DPF3: variants seen among roughly 807,000 people sequenced by gnomAD.
The protein encoded by DPF3 is zinc finger protein DPF3.
Under a neutral mutation model 56.8 loss-of-function variants are expected in DPF3, and 18 were observed. The ratio of observed to expected loss-of-function variants is 0.32; its 90% confidence interval spans 0.22 to 0.47. The LOEUF (loss-of-function observed/expected upper bound fraction) is 0.47, where lower values mean the gene tolerates loss of function less well. DPF3 is among the 20% of genes least tolerant of loss of function. The pLI, the probability that DPF3 is intolerant of heterozygous loss-of-function variation, is 1.00. For missense variants in DPF3, 403 were observed against 488.8 expected, an observed-to-expected ratio of 0.82 and a Z score of 1.65; for synonymous variants, 188 against 180.2, an observed-to-expected ratio of 1.04 and a Z score of -0.35.
chr14:72,669,810 C>A (rs1886590761), intron 8 of DPF3: 1 of 797,228 alleles, frequency 1.3e-6, no homozygotes, highest in South Asian at 5.7e-5. Context: ...GACACTCCAG[C>A]AGCCACTCTT....
intron 1 of DPF3, among the ~76,000 whole-genome samples, chr14:72,835,325 C>T (rs993410813): frequency 6.6e-6 from 1 of 152,196 alleles, no homozygotes; most frequent in Non-Finnish European, 1.5e-5. Flanking sequence ...CTCGGCCTCC[C>T]AAAGTGCTGG....
chr14:72,695,949 T>C (rs1302307516), intron 6 of DPF3, among the ~76,000 whole-genome samples: 1 of 152,156 alleles, frequency 6.6e-6, no homozygotes, highest in African/African-American at 2.4e-5. Context: ...AATAAAATAG[T>C]GCTATGCATC....
At chr14:72,775,116 G>A (rs760175195) in intron 1 of DPF3, among the ~76,000 whole-genome samples, 5 of 151,946 alleles carry the variant, frequency 3.3e-5, no homozygotes, top group Non-Finnish European at 7.4e-5. Flanking sequence ...GGTGTCCAAC[G>A]TGAGAGCAGC....
chr14:72,754,328 A>AC (rs1348083691), intron 2 of DPF3, among the ~76,000 whole-genome samples: 1 of 152,062 alleles, frequency 6.6e-6, no homozygotes, highest in African/African-American at 2.4e-5. Context: ...AGTGTCTGAT[A>AC]CCCCCCATAA....
At chr14:72,861,026 T>TAA (rs1885377918) in intron 1 of DPF3, among the ~76,000 whole-genome samples, 1 of 147,864 alleles carries the variant, frequency 6.8e-6, no homozygotes, top group Middle Eastern at 3.2e-3. Context: ...GTTCTCACTA[T>TAA]ACACACACAC....
intron 8 of DPF3, chr14:72,671,483 T>A: frequency 8.9e-7 from 1 of 1,129,306 alleles, no homozygotes; most frequent in Non-Finnish European, 1.3e-6. Flanking sequence ...GTGCATCACC[T>A]GGTGACGGGG....
rs924033792 is a variant in DPF3, at chr14:72,742,248, C to A, written c.302-10314G>T. Among the ~76,000 whole-genome samples, 3 of 152,184 alleles carry A rather than the reference C, an allele frequency of 2.0e-5. 1 individual carries two copies. The South Asian group carries it at 6.2e-4, about 32-fold the overall frequency. On this transcript the variant is annotated intron_variant, in intron 3 of 10. Transcript: ENST00000556509. ...GACACTGCAGGAAAGAGATAAATGA[C>A]TGGTCATTTCCCCCTGATGCACTTG...
At chr14:72,782,702 G>A (rs977252502) in intron 1 of DPF3, among the ~76,000 whole-genome samples, 3 of 152,060 alleles carry the variant, frequency 2.0e-5, no homozygotes, top group African/African-American at 4.8e-5. Flanking sequence ...GTGTAATGGC[G>A]GACACCTGCA....
intron 8 of DPF3, among the ~76,000 whole-genome samples, chr14:72,646,647 C>T (rs1250314804): frequency 2.0e-5 from 3 of 152,196 alleles, no homozygotes; most frequent in Non-Finnish European, 4.4e-5. Context: ...TTCTCCATCC[C>T]CTTCCTTCAA....
chr14:72,643,922 C>G (rs1885636576), intron 8 of DPF3, among the ~76,000 whole-genome samples: 1 of 152,178 alleles, frequency 6.6e-6, no homozygotes, highest in Non-Finnish European at 1.5e-5. Context: ...ACAACCCCAC[C>G]CCCACTGGAG....
intron 9 of DPF3, among the ~76,000 whole-genome samples, chr14:72,623,896 T>C (rs986103094): frequency 1.3e-5 from 2 of 152,150 alleles, no homozygotes. Context: ...GTCTGGAGCA[T>C]AAAATGTATA....
At chr14:72,834,478 CAG>C (rs1395748150) in intron 1 of DPF3, among the ~76,000 whole-genome samples, 1 of 116,810 alleles carries the variant, frequency 8.6e-6, no homozygotes, top group Non-Finnish European at 1.6e-5. Flanking sequence ...GCCTGGGTAA[CAG>C]AGTGAGACTG....
intron 7 of DPF3, among the ~76,000 whole-genome samples, chr14:72,686,189 C>G (rs544328590): frequency 2.4e-4 from 36 of 152,338 alleles, no homozygotes; most frequent in African/African-American, 8.7e-4. Context: ...ACTGCTGATG[C>G]CAATGACACC....
At chr14:72,824,980 C>T (rs528642026) in intron 1 of DPF3, among the ~76,000 whole-genome samples, 3 of 152,036 alleles carry the variant, frequency 2.0e-5, no homozygotes, top group Non-Finnish European at 4.4e-5. Flanking sequence ...CTCCACCTCC[C>T]GGATTCAAGC....
At chr14:72,720,530 G>C (rs1889125451) in intron 5 of DPF3, among the ~76,000 whole-genome samples, 2 of 152,086 alleles carry the variant, frequency 1.3e-5, no homozygotes, top group Admixed American at 6.6e-5. Flanking sequence ...GTATCTGGTG[G>C]GCCCAGAGCC....
intron 1 of DPF3, among the ~76,000 whole-genome samples, chr14:72,833,580 T>G (rs1360960719): frequency 1.3e-5 from 2 of 151,334 alleles, no homozygotes; most frequent in Admixed American, 6.6e-5. Flanking sequence ...AAAAAAAAAT[T>G]TAAGGGCAGT....
chr14:72,853,876 C>T (rs1019277109), intron 1 of DPF3, among the ~76,000 whole-genome samples: 3 of 152,144 alleles, frequency 2.0e-5, no homozygotes, highest in African/African-American at 7.2e-5. Context: ...ATCTTCAAAC[C>T]CACTTACCAG....
chr14:72,675,732 A>T (rs910667797), intron 7 of DPF3: 3 of 152,158 alleles, frequency 2.0e-5, no homozygotes, highest in Admixed American at 6.5e-5. Context: ...TGCTATTTGG[A>T]TTGTTTAATT....
chr14:72,810,264 T>C (rs1007630654), intron 1 of DPF3, among the ~76,000 whole-genome samples: 36 of 151,932 alleles, frequency 2.4e-4, no homozygotes, highest in African/African-American at 8.2e-4. Context: ...ACTCAGAACA[T>C]GCTCATTGAT....
Sources: allele counts gnomAD v4.1 joint callset (sites outside exome capture counted in the v4.1 genomes callset), GRCh38; gene constraint gnomAD v4.1.1; transcripts MANE v1.5; gene names NCBI Gene and HGNC (gene_info 2026-07-23, HGNC 2026-07-21).